DNMT3A: variants seen among roughly 807,000 people sequenced by gnomAD.
The protein encoded by DNMT3A is DNA methyltransferase 3 alpha, also known as DNA (cytosine-5)-methyltransferase 3A.
DNMT3A carries 267 observed loss-of-function variants against 117.6 expected under a neutral mutation model. The observed-to-expected ratio is 2.27, with a 90% CI of 2.05 to 2.51. The LOEUF (loss-of-function observed/expected upper bound fraction) is 2.51, where lower values mean the gene tolerates loss of function less well. Ranked by LOEUF, DNMT3A falls within the 30% of genes most tolerant of loss-of-function variation. DNMT3A has a pLI of 0.00. For synonymous variants in DNMT3A, 432 were observed against 474.8 expected (o/e 0.91, Z 1.17); for missense variants, 1,029 against 1,260.2 (o/e 0.82, Z 2.78).
At chr2:25,275,403 A>G in intron 5 of DNMT3A, 97 bp downstream of exon 5, 1 of 1,442,906 alleles carries the variant, frequency 6.9e-7, no homozygotes, top group African/African-American at 1.5e-5. Flanking sequence ...GTAAAGAAGG[A>G]GGAGGGGCCC....
chr2:25,251,330 T>C (rs1410506665), intron 6 of DNMT3A, among the ~76,000 whole-genome samples: 1 of 150,434 alleles, frequency 6.6e-6, no homozygotes, highest in African/African-American at 2.5e-5. Flanking sequence ...AGGGGTGAAC[T>C]CGAGGCTCTC....
At chr2:25,278,063 C>A (rs976553707) in intron 4 of DNMT3A, among the ~76,000 whole-genome samples, 1 of 124,698 alleles carries the variant, frequency 8.0e-6, no homozygotes, top group Non-Finnish European at 1.7e-5. Context: ...TCCAGCCTGG[C>A]CGGGCCGCCT....
chr2:25,242,992 T>G (rs1485293408), intron 16 of DNMT3A, among the ~76,000 whole-genome samples: 1 of 152,186 alleles, frequency 6.6e-6, no homozygotes, highest in Non-Finnish European at 1.5e-5. Context: ...AATGGAACCT[T>G]ACGCAACACT....
At position 25,241,607 on chromosome 2, in the gene DNMT3A, CCCCTG is replaced by C. The variant is rs1337677556; in HGVS notation, c.2032_2036del (p.Gln678GlufsTer33). 1 of 1,613,400 alleles carries C rather than the reference CCCCTG, an allele frequency of 6.2e-7. No homozygotes were observed. Among genetic ancestry groups the C allele is most frequent in the African/African-American group, 1.3e-5 (1 of 74,902 alleles). On this transcript the variant is annotated frameshift_variant, in exon 17 of 23. Coordinates refer to ENST00000321117, the MANE Select transcript of DNMT3A (RefSeq NM_022552.5). LOFTEE classifies it high-confidence loss of function. ...GGACGTCCCCGACGTACATGATCTT[CCCCTG>C]GTGCCGCACCATGCCCACCGTGATG... is the stretch of plus-strand genomic sequence containing the variant.
In DNMT3A at chr2:25,246,066, T is replaced by G; in HGVS notation, c.1430-2A>C. 6.2e-7 allele frequency: 1 copy of G among 1,614,206 alleles called. No homozygotes were observed. The highest frequency in any genetic ancestry group is 8.5e-7 in the Non-Finnish European group (1 of 1,180,012). ...GCCGCACCTCGTACACCAGCCGCTC[T>G]GCAAGGGGAGGAGAGCTGGCGTCAG... is the stretch of plus-strand genomic sequence containing the variant. On this transcript the variant is annotated splice_acceptor_variant, in intron 11 of 22. Coordinates refer to ENST00000321117, the MANE Select transcript of DNMT3A (RefSeq NM_022552.5). LOFTEE classifies it high-confidence loss of function.
intron 1 of DNMT3A, chr2:25,314,737 AGGCCACGGCCAC>A: frequency 1.0e-6 from 1 of 984,630 alleles, no homozygotes. Flanking sequence ...TAGGAGGGAG[AGGCCACGGCCAC>A]GGCCAAGGCC....
At position 25,240,431 on chromosome 2, in the gene DNMT3A, G is replaced by C. The variant is rs1673869035; in HGVS notation, c.2193C>G (p.Phe731Leu). The C allele has an allele frequency of 2.5e-6, 4 of 1,610,542 alleles. No individual in the cohort carries two copies. Among genetic ancestry groups the C allele is most frequent in the Non-Finnish European group, 3.4e-6 (4 of 1,178,238 alleles). ...KGLYEGTGRL[F>L]FEFYRLLHDA... ...CATGCAGGAGGCGGTAGAACTCAAAGAAGAGCCGGCCAGTGCCCTCTGAGA... is the reference window on the plus strand; with the variant it reads ...CATGCAGGAGGCGGTAGAACTCAAACAAGAGCCGGCCAGTGCCCTCTGAGA... Residue 731 changes from phenylalanine (F) to leucine (L), a missense_variant, in exon 19 of 23, where the codon TTC becomes TTG. Phe to Leu is a conservative substitution (Grantham distance 22). Coordinates refer to ENST00000321117, the MANE Select transcript of DNMT3A (RefSeq NM_022552.5).
At chr2:25,288,727 C>T (rs1016038720) in intron 3 of DNMT3A, among the ~76,000 whole-genome samples, 1 of 152,230 alleles carries the variant, frequency 6.6e-6, no homozygotes, top group African/African-American at 2.4e-5. Flanking sequence ...CCTTTACCCC[C>T]ATCCATCTCC....
chr2:25,253,477 C>CT (rs1675833839), intron 6 of DNMT3A, among the ~76,000 whole-genome samples: 1 of 152,048 alleles, frequency 6.6e-6, no homozygotes, highest in African/African-American at 2.4e-5. Context: ...CTGGATCGGA[C>CT]TTGGAATGAG....
At position 25,252,172 on chromosome 2, in the gene DNMT3A, G is replaced by T. The variant is rs751830072; in HGVS notation, c.640-3920C>A. The T allele has an allele frequency of 1.9e-6, 3 of 1,561,016 alleles. No homozygotes were observed. The African/African-American group carries it at 4.1e-5, about 21-fold the overall frequency. The stretch of plus-strand genomic sequence containing the variant: ...CCGCCTCCCCGCCCCCGGTCTCCCC[G>T]GGGCTCCGTCCAGGAACCTACCCAT... On this transcript the variant is annotated intron_variant, in intron 6 of 22. Transcript: ENST00000321117. The surrounding 1 kb of genome is among the most constrained non-coding windows in gnomAD (Gnocchi z 5.5).
At chr2:25,300,444 C>A (rs896773613) in intron 2 of DNMT3A, among the ~76,000 whole-genome samples, 12 of 150,236 alleles carry the variant, frequency 8.0e-5, no homozygotes, top group African/African-American at 2.7e-4. Context: ...CAGAGCCCCA[C>A]TTAAAATATA....
intron 1 of DNMT3A, among the ~76,000 whole-genome samples, chr2:25,315,898 A>G (rs1421370828): frequency 6.6e-6 from 1 of 152,232 alleles, no homozygotes; most frequent in Admixed American, 6.5e-5. Context: ...AAAACCTTCG[A>G]AAGGGTCAGA....
At chr2:25,250,016 C>T (rs980669175) in intron 6 of DNMT3A, among the ~76,000 whole-genome samples, 2 of 152,234 alleles carry the variant, frequency 1.3e-5, no homozygotes, top group Admixed American at 6.5e-5. Flanking sequence ...CGGAGCCTCA[C>T]AACCAGCAGC....
rs1195081508 is a variant in DNMT3A, at chr2:25,234,147, T to G, written c.*132A>C. ...GTATTTCCGCCTCTGTGGTTTTTGT[T>G]TTAAATTCCTTTTTCTCTTCTGGGT... On this transcript the variant is annotated 3_prime_UTR_variant, in exon 23 of 23. Coordinates refer to ENST00000321117, the MANE Select transcript of DNMT3A (RefSeq NM_022552.5). This position sits in a 1 kb window ranked among gnomAD's most constrained non-coding sequence, Gnocchi z 4.5. 2.9e-6 allele frequency: 4 copies of G among 1,389,290 alleles called. No homozygotes were observed. The highest frequency in any genetic ancestry group is 3.8e-6 in the Non-Finnish European group (4 of 1,055,780). 86.1% of individuals were successfully genotyped at this position (1,389,290 alleles called of 1,614,324 possible). A position where few individuals can be genotyped will look rare whatever the true frequency, so the allele number is the denominator to read the frequency against.
rs1268692860 is a variant in DNMT3A at position 25,243,925 on chromosome 2, G to A, written c.1909C>T (p.Leu637=). The change falls in exon 16 of 23, where the codon CTG becomes TTG. Residue 637 remains leucine, a synonymous_variant. Transcript: ENST00000321117. ...GTAGCGATTCCATCAAAGAGAGACA[G>A]CACCCGGATGGGCTTCCTCTTCTCA... is the stretch of plus-strand genomic sequence containing the variant. ...PAEKRKPIRV[L]SLFDGIATGL... is the part of the protein sequence containing the mutation. The A allele has an allele frequency of 6.4e-7, 1 of 1,552,196 alleles. No homozygotes were observed.
rs1250400412 is a variant in DNMT3A, at chr2:25,298,839, G to GC, written c.177+1299dup. Among the ~76,000 whole-genome samples, 2 of 151,656 alleles carry GC rather than the reference G, an allele frequency of 1.3e-5. No homozygotes were observed. The highest frequency in any genetic ancestry group is 2.9e-5 in the Non-Finnish European group (2 of 67,932). On this transcript the variant is annotated intron_variant, in intron 3 of 22. Transcript: ENST00000321117. The surrounding 1 kb of genome is among the most constrained non-coding windows in gnomAD (Gnocchi z 4.3). ...CTTACCAGTAAAATGACTTCACTCC[G>GC]CCCCCCTGCCCCCCGCCTCAAATCT...
intron 6 of DNMT3A, among the ~76,000 whole-genome samples, chr2:25,261,770 T>C (rs1314510301): frequency 6.6e-6 from 1 of 152,116 alleles, no homozygotes; most frequent in Non-Finnish European, 1.5e-5. Flanking sequence ...AGAAGTCCCA[T>C]GTCCTTGTCC....
intron 6 of DNMT3A, among the ~76,000 whole-genome samples, chr2:25,253,542 GC>G (rs1675840354): frequency 6.6e-6 from 1 of 152,046 alleles, no homozygotes; most frequent in African/African-American, 2.4e-5. Context: ...GGAGACCCTC[GC>G]CCACCTCCAC....
At chr2:25,300,757 AT>A (rs1313712349) in intron 2 of DNMT3A, among the ~76,000 whole-genome samples, 17 of 74,644 alleles carry the variant, frequency 2.3e-4, no homozygotes, top group Non-Finnish European at 2.7e-4. Context: ...ATATATATAT[AT>A]ATATATATAT....
Sources: gnomAD v4.1 joint callset for allele counts (sites outside exome capture counted in the v4.1 genomes callset) on GRCh38, gnomAD v4.1.1 for gene constraint, Gnocchi (gnomAD v3.1) non-coding constraint, MANE v1.5 for transcripts, NCBI Gene and HGNC (gene_info 2026-07-23, HGNC 2026-07-21) for gene names.